Variants in GNG7 observed in about 807,000 individuals in gnomAD.
GNG7 encodes the protein guanine nucleotide-binding protein G(I)/G(S)/G(O) subunit gamma-7.
GNG7 carries 1 observed loss-of-function variant against 4.0 expected under a neutral mutation model. The ratio of observed to expected loss-of-function variants is 0.25; its 90% CI spans 0.09 to 1.18. The LOEUF is 1.18. Ranked by LOEUF, GNG7 falls within the 50% of genes most tolerant of loss-of-function variation. The probability of loss-of-function intolerance (pLI) is 0.50; values close to 1 mark genes in which losing one functional copy is unlikely to be tolerated. For synonymous variants in GNG7, 34 were observed against 36.9 expected (o/e 0.92, Z 0.29); for missense variants, 86 against 91.9 (o/e 0.94, Z 0.26).
chr19:2,544,758 A>G (rs1479750722), intron 3 of GNG7, among the ~76,000 whole-genome samples: 1 of 152,058 alleles, frequency 6.6e-6, no homozygotes, highest in Non-Finnish European at 1.5e-5. Context: ...GATGCCTGAG[A>G]CATCTGTGGT....
chr19:2,613,696 A>G (rs1334522070), intron 2 of GNG7, among the ~76,000 whole-genome samples: 2 of 152,114 alleles, frequency 1.3e-5, no homozygotes, highest in Non-Finnish European at 2.9e-5. Flanking sequence ...GTCTGGGGAC[A>G]TTTGTGGTTG....
rs534583861 is a variant in GNG7 at position 2,637,133 on chromosome 19, G to C, written c.-78+9091C>G. ...GGCCCGGGGCCAGGAAACTCCGTGG[G>C]CCTCCTCTGCCCCCTCGTGGCCGCC... is the stretch of plus-strand genomic sequence containing the variant. On this transcript the variant is annotated intron_variant, in intron 2 of 4. Transcript: ENST00000382159. Among the ~76,000 whole-genome samples the C allele has an allele frequency of 7.9e-5, 12 of 151,930 alleles. 1 individual carries two copies. In the South Asian group the frequency reaches 2.5e-3, roughly 32 times the overall value.
At chr19:2,637,026 C>G (rs1169512273) in intron 2 of GNG7, among the ~76,000 whole-genome samples, 1 of 151,792 alleles carries the variant, frequency 6.6e-6, no homozygotes, top group African/African-American at 2.4e-5. Flanking sequence ...CTCCACTTGT[C>G]CTCACCTGCA....
Position 2,513,602 on chromosome 19 carries a change from C to G in GNG7, c.*1420G>C, listed in dbSNP as rs1038292819. 4.1e-6 allele frequency: 4 copies of G among 985,296 alleles called. No individual in the cohort carries two copies. The highest frequency in any genetic ancestry group is 6.1e-5 in the Admixed American group (1 of 16,268). 61.0% of individuals were successfully genotyped at this position (985,296 alleles called of 1,614,324 possible). A position where few individuals can be genotyped will look rare whatever the true frequency, so the allele number is the denominator to read the frequency against. On this transcript the variant is annotated 3_prime_UTR_variant, in exon 5 of 5. Transcript: ENST00000382159. Reference sequence around the variant, plus strand: ...GTCTAAGGCATCTCCCGGCCTCAGACAGCCGTCCTGGGTTGCACGGGGGTG... The same window carrying G: ...GTCTAAGGCATCTCCCGGCCTCAGAGAGCCGTCCTGGGTTGCACGGGGGTG...
rs1415239623 is a variant in GNG7, at chr19:2,513,376, G to A, written c.*1646C>T. On this transcript the variant is annotated 3_prime_UTR_variant, in exon 5 of 5. Transcript: ENST00000382159. ...CCAGCCCCGTGGAGGGGGTCGGGGC[G>A]GCCAGGCCTCCTGCGATCAGGGCTG... 17 of 507,210 alleles carry A rather than the reference G, an allele frequency of 3.4e-5. No homozygotes were observed. The highest frequency in any genetic ancestry group is 1.5e-4 in the East Asian group (1 of 6,668). The allele number at this position is 507,210 out of a possible 1,614,324, so 31.4% of individuals were successfully genotyped here.
At chr19:2,589,967 G>C (rs11880600) in intron 2 of GNG7, among the ~76,000 whole-genome samples, 19 of 151,814 alleles carry the variant, frequency 1.3e-4, no homozygotes, top group Admixed American at 1.1e-3. Context: ...ATGCACTGCC[G>C]TACTCAGCTA....
intron 1 of GNG7, among the ~76,000 whole-genome samples, chr19:2,673,511 G>T (rs1452962916): frequency 6.6e-6 from 1 of 151,840 alleles, no homozygotes; most frequent in Admixed American, 6.6e-5. Flanking sequence ...TGGCCAACAT[G>T]GTGAACCCCT....
chr19:2,697,872 T>C (rs1011425038), intron 1 of GNG7, among the ~76,000 whole-genome samples: 1 of 151,842 alleles, frequency 6.6e-6, no homozygotes, highest in Non-Finnish European at 1.5e-5. Context: ...CTCGGGAGGC[T>C]GGGGCAGGAG....
chr19:2,645,798 T>C (rs1208821146), intron 2 of GNG7, among the ~76,000 whole-genome samples: 2 of 152,058 alleles, frequency 1.3e-5, no homozygotes, highest in African/African-American at 4.8e-5. Context: ...CTCATGATTC[T>C]CTAGGGAGAA....
intron 2 of GNG7, among the ~76,000 whole-genome samples, chr19:2,575,574 G>GGC (rs1980288809): frequency 1.2e-4 from 9 of 73,362 alleles, no homozygotes; most frequent in African/African-American, 5.0e-4. Context: ...GGCACACGCA[G>GGC]ACACGCAGGC....
chr19:2,628,262 C>A (rs963864603), intron 2 of GNG7, among the ~76,000 whole-genome samples: 2 of 152,080 alleles, frequency 1.3e-5, no homozygotes, highest in Non-Finnish European at 2.9e-5. Flanking sequence ...TGGGCTGGGC[C>A]GAGTTGTCAT....
In GNG7 at chr19:2,645,553, TA is replaced by T. The variant is rs200733085; in HGVS notation, c.-78+670del. 4.8e-5 allele frequency among the ~76,000 whole-genome samples: 7 copies of T among 144,910 alleles called. No individual in the cohort carries two copies. The South Asian group carries it at 6.4e-4, about 13-fold the overall frequency. On this transcript the variant is annotated intron_variant, in intron 2 of 4. Coordinates refer to ENST00000382159, the MANE Select transcript of GNG7 (RefSeq NM_052847.3). Reference sequence around the variant, plus strand: ...CATGCCTGGCCAAAACCCTAACTCTTAAAAAAAAATTTTGTTTTAAGATTTT... The same window carrying T: ...CATGCCTGGCCAAAACCCTAACTCTTAAAAAAAATTTTGTTTTAAGATTTT...
intron 2 of GNG7, among the ~76,000 whole-genome samples, chr19:2,615,459 T>G (rs1425881096): frequency 2.6e-5 from 3 of 115,652 alleles, no homozygotes; most frequent in African/African-American, 1.4e-4. Context: ...TTCCGGTTTT[T>G]TTTTTTTTTT....
intron 1 of GNG7, among the ~76,000 whole-genome samples, chr19:2,682,890 C>T (rs948911582): frequency 6.6e-6 from 1 of 151,870 alleles, no homozygotes; most frequent in Non-Finnish European, 1.5e-5. Flanking sequence ...GGGAGGCATT[C>T]AAATAACAGT....
Position 2,674,134 on chromosome 19 carries a change from C to G in GNG7, c.-134-27854G>C, listed in dbSNP as rs867534502. 2.6e-5 allele frequency among the ~76,000 whole-genome samples: 4 copies of G among 152,218 alleles called. No homozygotes were observed. In the Middle Eastern group the frequency reaches 0.01, roughly 388 times the overall value. On this transcript the variant is annotated intron_variant, in intron 1 of 4. Transcript: ENST00000382159. ...TAAAAACTAGCCAGGTGTAGTGGCA[C>G]CTTGCCTATAATCCCAGCTACTCCA...
At chr19:2,679,038 A>C (rs1568282770) in intron 1 of GNG7, among the ~76,000 whole-genome samples, 1 of 152,126 alleles carries the variant, frequency 6.6e-6, no homozygotes, top group South Asian at 2.1e-4. Context: ...ATAACAACAT[A>C]AGTAACATAT....
chr19:2,547,080 C>A (rs8104001), intron 3 of GNG7, among the ~76,000 whole-genome samples: 1 of 128,202 alleles, frequency 7.8e-6, no homozygotes, highest in East Asian at 2.7e-4. Context: ...GCATGCCCCC[C>A]CCCCAGAAAA....
chr19:2,570,887 T>G (rs556983312), intron 2 of GNG7, among the ~76,000 whole-genome samples: 1 of 152,144 alleles, frequency 6.6e-6, no homozygotes, highest in African/African-American at 2.4e-5. Flanking sequence ...AGCCTTGACC[T>G]CCTGAGCTCA....
chr19:2,522,326 C>T (rs34965276), intron 3 of GNG7, among the ~76,000 whole-genome samples: 48,665 of 151,724 alleles, frequency 0.32, 7,786 homozygotes, highest in South Asian at 0.39. Flanking sequence ...CCTGGGCAGC[C>T]GCAGTCCCAG....
Sources: allele counts gnomAD v4.1 joint callset (sites outside exome capture counted in the v4.1 genomes callset), GRCh38; gene constraint gnomAD v4.1.1; transcripts MANE v1.5; gene names NCBI Gene and HGNC (gene_info 2026-07-23, HGNC 2026-07-21).